TDRP: variants seen among roughly 807,000 people sequenced by gnomAD.
TDRP encodes the protein testis development-related protein.
TDRP carries 12 observed loss-of-function variants against 10.5 expected under a neutral mutation model. The observed-to-expected ratio is 1.15, with a 90% CI of 0.73 to 1.86. The LOEUF (loss-of-function observed/expected upper bound fraction) is 1.86, where lower values mean the gene tolerates loss of function less well. TDRP is among the 40% of genes most tolerant of loss of function. TDRP has a pLI of 0.00. For synonymous variants in TDRP, 139 were observed against 95.4 expected, an observed-to-expected ratio of 1.46 and a Z score of -2.67; for missense variants, 353 against 229.2, an observed-to-expected ratio of 1.54 and a Z score of -3.49.
intron 1 of TDRP, among the ~76,000 whole-genome samples, chr8:509,203 G>A (rs73175034): frequency 0.03 from 4,505 of 152,206 alleles, 110 homozygotes; most frequent in Middle Eastern, 0.051. Context: ...GCAAACTGTC[G>A]GTGGATCTAC....
chr8:520,568 C>A (rs1201822271), intron 1 of TDRP, among the ~76,000 whole-genome samples: 1 of 152,208 alleles, frequency 6.6e-6, no homozygotes, highest in Non-Finnish European at 1.5e-5. Context: ...GCCAACAGTG[C>A]ACAGGTGTTC....
In TDRP at chr8:493,993, G is replaced by GTTTTTTT. The variant is rs68057437; in HGVS notation, c.212+494_212+500dup. Among the ~76,000 whole-genome samples the GTTTTTTT allele has an allele frequency of 6.4e-4, 68 of 106,536 alleles. 2 individuals are homozygous for GTTTTTTT. Among genetic ancestry groups the GTTTTTTT allele is most frequent in the African/African-American group, 1.0e-3 (28 of 27,772 alleles). 69.9% of individuals were successfully genotyped at this position (106,536 alleles called of 152,430 possible). A position where few individuals can be genotyped will look rare whatever the true frequency, so the allele number is the denominator to read the frequency against. ...TCGAACACCACAACTCATTTCTGTTGTTTTTTTTTTTTTTTTTTTTGAGAC... is the reference window on the plus strand; with the variant it reads ...TCGAACACCACAACTCATTTCTGTTGTTTTTTTTTTTTTTTTTTTTTTTTTTTGAGAC... On this transcript the variant is annotated intron_variant, in intron 2 of 2. Transcript: ENST00000324079.
chr8:503,061 G>A (rs1448599304), intron 1 of TDRP, among the ~76,000 whole-genome samples: 6 of 151,730 alleles, frequency 4.0e-5, no homozygotes, highest in Admixed American at 3.3e-4. Flanking sequence ...CCACACATCA[G>A]AACCTGTGCC....
At chr8:514,759 AG>A (rs1801711350) in intron 1 of TDRP, among the ~76,000 whole-genome samples, 1 of 152,014 alleles carries the variant, frequency 6.6e-6, no homozygotes, top group Non-Finnish European at 1.5e-5. Context: ...CCAGCTCTAT[AG>A]GGGAAGGCCC....
chr8:520,951 T>A (rs1801886680), intron 1 of TDRP, among the ~76,000 whole-genome samples: 1 of 152,174 alleles, frequency 6.6e-6, no homozygotes, highest in South Asian at 2.1e-4. Context: ...TGCTTCAATT[T>A]GTCTATTTTT....
chr8:519,992 G>C (rs1279969593), intron 1 of TDRP, among the ~76,000 whole-genome samples: 2 of 152,200 alleles, frequency 1.3e-5, no homozygotes, highest in Non-Finnish European at 2.9e-5. Context: ...ATGCGTGTAA[G>C]GCACAGAATG....
intron 2 of TDRP, among the ~76,000 whole-genome samples, chr8:493,004 T>G (rs1190676513): frequency 8.5e-5 from 13 of 152,168 alleles, no homozygotes; most frequent in Non-Finnish European, 1.9e-4. Flanking sequence ...GAAAGAAGTA[T>G]TATCACACAA....
chr8:512,527 G>A (rs1584865662), intron 1 of TDRP, among the ~76,000 whole-genome samples: 1 of 151,720 alleles, frequency 6.6e-6, no homozygotes, highest in Admixed American at 6.6e-5. Context: ...TGAAAGAGGA[G>A]ACATTTCTAT....
At chr8:494,759 A>C (rs1181246451) in intron 1 of TDRP, among the ~76,000 whole-genome samples, 162 bp from the exon 2 acceptor site, 1 of 152,158 alleles carries the variant, frequency 6.6e-6, no homozygotes, top group Non-Finnish European at 1.5e-5. Context: ...CCCATTAGCT[A>C]CTAGTCATCT....
At chr8:502,314 A>C (rs867047857) in intron 1 of TDRP, among the ~76,000 whole-genome samples, 11 of 152,236 alleles carry the variant, frequency 7.2e-5, no homozygotes, top group African/African-American at 9.6e-5. Flanking sequence ...CATCCAAGTC[A>C]AACTGTGAGA....
At chr8:492,966 T>C (rs1023177277) in intron 2 of TDRP, among the ~76,000 whole-genome samples, 8 of 152,158 alleles carry the variant, frequency 5.3e-5, no homozygotes, top group African/African-American at 1.2e-4. Context: ...CACTTGGCAA[T>C]ACATAAGCAA....
In TDRP at chr8:498,336, G is replaced by A. The variant is rs1366127421; in HGVS notation, c.109-3739C>T. ...CCCACCCCTTGCATCAGCATGCCCT[G>A]GATATGAGACATGGCATGTAAAGGG... On this transcript the variant is annotated intron_variant, in intron 1 of 2. Coordinates refer to ENST00000324079, the MANE Select transcript of TDRP (RefSeq NM_001384899.1). 3.3e-5 allele frequency among the ~76,000 whole-genome samples: 5 copies of A among 152,170 alleles called. No homozygotes were observed. The South Asian group carries it at 1.0e-3, about 32-fold the overall frequency.
chr8:523,069 C>G (rs1801947941), intron 1 of TDRP, among the ~76,000 whole-genome samples: 1 of 152,078 alleles, frequency 6.6e-6, no homozygotes, highest in Admixed American at 6.5e-5. Flanking sequence ...TAATTATGTT[C>G]TTTAAGTCTT....
intron 1 of TDRP, among the ~76,000 whole-genome samples, chr8:506,914 G>C (rs1462662864): frequency 6.6e-6 from 1 of 152,190 alleles, no homozygotes; most frequent in Non-Finnish European, 1.5e-5. Flanking sequence ...GTGCAATGGG[G>C]AGGTATTAGT....
intron 1 of TDRP, among the ~76,000 whole-genome samples, chr8:518,999 C>G (rs767096567): frequency 1.6e-4 from 24 of 152,112 alleles, no homozygotes; most frequent in Non-Finnish European, 3.5e-4. Flanking sequence ...AGTCTGTCAC[C>G]AGAAATGCCA....
At chr8:518,218 T>C (rs556864072) in intron 1 of TDRP, among the ~76,000 whole-genome samples, 12 of 152,260 alleles carry the variant, frequency 7.9e-5, no homozygotes, top group African/African-American at 2.9e-4. Flanking sequence ...GTAGGGAAGG[T>C]AGGGGCCAGG....
At chr8:534,974 TTC>T (rs1479561764) in intron 1 of TDRP, among the ~76,000 whole-genome samples, 2 of 152,126 alleles carry the variant, frequency 1.3e-5, no homozygotes, top group African/African-American at 4.8e-5. Flanking sequence ...ACACAACGCA[TTC>T]TGAGTAAAAA....
chr8:501,067 T>C (rs1354147057), intron 1 of TDRP, among the ~76,000 whole-genome samples: 6 of 151,798 alleles, frequency 4.0e-5, no homozygotes, highest in Non-Finnish European at 8.8e-5. Context: ...TAGCCGGGCG[T>C]GATGGCGGGC....
intron 1 of TDRP, among the ~76,000 whole-genome samples, chr8:536,611 G>C (rs1802353587): frequency 6.6e-6 from 1 of 152,082 alleles, no homozygotes; most frequent in African/African-American, 2.4e-5. Flanking sequence ...AGATATGAGA[G>C]TATGAAAAAA....
Sources: allele counts gnomAD v4.1 joint callset (sites outside exome capture counted in the v4.1 genomes callset), GRCh38; gene constraint gnomAD v4.1.1; transcripts MANE v1.5; gene names NCBI Gene and HGNC (gene_info 2026-07-23, HGNC 2026-07-21).